RECQL5: variants seen among roughly 807,000 people sequenced by gnomAD.
The protein encoded by RECQL5 is RecQ like helicase 5.
A neutral mutation model predicts 103.4 loss-of-function variants in RECQL5; 88 were observed. The observed-to-expected ratio is 0.85, with a 90% CI of 0.72 to 1.02. The LOEUF (loss-of-function observed/expected upper bound fraction) is 1.02. Ranked by LOEUF, RECQL5 falls within the 50% of genes least tolerant of loss-of-function variation. RECQL5 has a pLI of 0.00. For synonymous variants in RECQL5, 552 were observed against 507.9 expected (o/e 1.09, Z -1.17); for missense variants, 1,232 against 1,284.3 (o/e 0.96, Z 0.62).
intron 2 of RECQL5, 84 bp from the exon 3 acceptor site, chr17:75,665,256 A>G (rs556680319): frequency 6.4e-5 from 82 of 1,290,744 alleles, no homozygotes; most frequent in Non-Finnish European, 8.8e-6. Context: ...ATGTAGGAAA[A>G]GCACCTAGCA....
chr17:75,639,270 C>T (rs2059386975), intron 8 of RECQL5: 1 of 152,456 alleles, frequency 6.6e-6, no homozygotes, highest in Non-Finnish European at 1.5e-5. Context: ...CCCACCACCA[C>T]CCCTGGATTA....
rs963825658 is a variant in RECQL5, at chr17:75,636,943, C to T, written c.1230-5275G>A. On this transcript the variant is annotated intron_variant, in intron 8 of 19. Coordinates refer to ENST00000317905, the MANE Select transcript of RECQL5 (RefSeq NM_004259.7). The surrounding 1 kb of genome is among the most constrained non-coding windows in gnomAD (Gnocchi z 5.4). Reference sequence around the variant, plus strand: ...GCTTCCAGTCAGCCCCCTAGGGAAGCCCTGGGCGCAAAGCTATGACACTGT... The same window carrying T: ...GCTTCCAGTCAGCCCCCTAGGGAAGTCCTGGGCGCAAAGCTATGACACTGT... 4 of 152,260 alleles carry T rather than the reference C, an allele frequency of 2.6e-5. No homozygotes were observed. The highest frequency in any genetic ancestry group is 1.5e-5 in the Non-Finnish European group (1 of 68,086). The allele number at this position is 152,260 out of a possible 1,614,324, so 9.4% of individuals were successfully genotyped here.
rs2059751734 is a variant in RECQL5 at position 75,665,186 on chromosome 17, A to T, written c.131-14T>A. On this transcript the variant is annotated splice_polypyrimidine_tract_variant and intron_variant, in intron 2 of 19. Transcript: ENST00000317905. ...CGTCCTTGTTACCTGAAAAAATACA[A>T]GACAACAATATCTCAGTGCTTCCTG... 1.2e-6 allele frequency: 2 copies of T among 1,604,232 alleles called. No individual in the cohort carries two copies. The highest frequency in any genetic ancestry group is 1.3e-5 in the African/African-American group (1 of 74,410).
chr17:75,666,421 A>G lies in RECQL5; in HGVS notation c.130+7T>C. ...AAATTTAAAGGAAGGTAGCTTGGTAATGTTACCTTTTACTACAGCCATGGT... is the reference window on the plus strand; with the variant it reads ...AAATTTAAAGGAAGGTAGCTTGGTAGTGTTACCTTTTACTACAGCCATGGT... On this transcript the variant is annotated splice_region_variant and intron_variant, in intron 2 of 19. Transcript: ENST00000317905. The G allele has an allele frequency of 6.2e-7, 1 of 1,613,724 alleles. No homozygotes were observed. The highest frequency in any genetic ancestry group is 1.1e-5 in the South Asian group (1 of 91,022).
Position 75,640,700 on chromosome 17 carries a change from G to A in RECQL5, c.1230-9032C>T, listed in dbSNP as rs910470436. 2.1e-5 allele frequency: 31 copies of A among 1,503,432 alleles called. No individual in the cohort carries two copies. In the African/African-American group the frequency reaches 4.0e-4, roughly 19 times the overall value. The allele number at this position is 1,503,432 out of a possible 1,614,324, so 93.1% of individuals were successfully genotyped here. ...ACCTCCACCAAACCTGTGGGGGAAA[G>A]ACCCTGGCAGGCAGTGGGTTTCTCT... On this transcript the variant is annotated intron_variant, in intron 8 of 19. Transcript: ENST00000317905. This position sits in a 1 kb window ranked among gnomAD's most constrained non-coding sequence, Gnocchi z 4.6.
chr17:75,643,934 T>G (rs908205596), intron 8 of RECQL5, among the ~76,000 whole-genome samples: 4 of 152,218 alleles, frequency 2.6e-5, no homozygotes, highest in Non-Finnish European at 5.9e-5. Flanking sequence ...GGCAGGCTGC[T>G]CTCGGCTCCT....
rs756078828 is a variant in RECQL5, at chr17:75,662,487, C to T, written c.763G>A (p.Asp255Asn). 3.0e-5 allele frequency: 48 copies of T among 1,612,702 alleles called. No individual in the cohort carries two copies. The highest frequency in any genetic ancestry group is 6.7e-5 in the Admixed American group (4 of 59,964). The change falls in exon 4 of 20, where the codon GAT becomes AAT. Residue 255 changes from aspartate (D) to asparagine (N), a missense_variant. Coordinates refer to ENST00000317905, the MANE Select transcript of RECQL5 (RefSeq NM_004259.7). ...FCLKALGQEA[D>N]KGLSGCGIVY... is the part of the protein sequence containing the mutation. Reference sequence around the variant, plus strand: ...CCACCTCAATGCCTCACCCCTTTATCAGCCTCCTGTCCAAGAGCCTTAAGG... The same window carrying T: ...CCACCTCAATGCCTCACCCCTTTATTAGCCTCCTGTCCAAGAGCCTTAAGG...
At position 75,629,717 on chromosome 17, in the gene RECQL5, A is replaced by G. The variant is rs776011626; in HGVS notation, c.1938T>C (p.His646=). 4 of 1,610,970 alleles carry G rather than the reference A, an allele frequency of 2.5e-6. No individual in the cohort carries two copies. Among genetic ancestry groups the G allele is most frequent in the Admixed American group, 1.7e-5 (1 of 59,864 alleles). Residue 646 remains histidine (H), a synonymous_variant, in exon 15 of 20, where the codon CAT becomes CAC. Coordinates refer to ENST00000317905, the MANE Select transcript of RECQL5 (RefSeq NM_004259.7). The stretch of plus-strand genomic sequence containing the variant: ...CTGGGCCACAGCTCACCGAGTACAC[A>G]TGGGAGGCTGGTGGAATGTCATACT... The part of the protein sequence containing the change: ...PNEYDIPPAS[H]VYSLKPKRVG...
Position 75,631,299 on chromosome 17 carries a change from C to G in RECQL5, c.1449-50G>C, listed in dbSNP as rs377406951. 83 of 1,582,578 alleles carry G rather than the reference C, an allele frequency of 5.2e-5. No homozygotes were observed. The African/African-American group carries it at 1.1e-3, about 21-fold the overall frequency. On this transcript the variant is annotated intron_variant, in intron 9 of 19. Transcript: ENST00000317905. The stretch of plus-strand genomic sequence containing the variant: ...GCCCTGGCCTGGGCTCTGCCCTCCC[C>G]ATGTGTGCTGCTGCTAGAACGGCAA...
chr17:75,650,990 A>T (rs2059547819), intron 8 of RECQL5, 196 bp downstream of exon 8: 1 of 1,503,918 alleles, frequency 6.6e-7, no homozygotes, highest in African/African-American at 1.4e-5. Flanking sequence ...AAATCCCCAC[A>T]CTGCGAGAGA....
At chr17:75,653,454 T>G (rs1033207160) in intron 7 of RECQL5, among the ~76,000 whole-genome samples, 35 of 152,360 alleles carry the variant, frequency 2.3e-4, no homozygotes, top group Admixed American at 2.3e-3. Flanking sequence ...TTCACTCTGT[T>G]ATAAGCCTGT....
intron 7 of RECQL5, among the ~76,000 whole-genome samples, chr17:75,656,734 C>T (rs2059625513): frequency 2.2e-5 from 3 of 133,642 alleles, no homozygotes. Context: ...TATATTTATC[C>T]TTCTATTGTC....
chr17:75,628,667 G>A lies in RECQL5; in HGVS notation c.2580+5C>T, dbSNP rs754196658. 2.7e-5 allele frequency: 42 copies of A among 1,582,374 alleles called. No homozygotes were observed. The highest frequency in any genetic ancestry group is 1.9e-4 in the Middle Eastern group (1 of 5,206). Reference sequence around the variant, plus strand: ...CCTCCCCAACAGACTCATCCCTGCCGGCACCTGCTGGGATCGAGGCCGCTT... The same window carrying A: ...CCTCCCCAACAGACTCATCCCTGCCAGCACCTGCTGGGATCGAGGCCGCTT... On this transcript the variant is annotated splice_donor_5th_base_variant and intron_variant, in intron 17 of 19. Transcript: ENST00000317905.
intron 6 of RECQL5, among the ~76,000 whole-genome samples, chr17:75,660,361 T>G (rs1376053460): frequency 1.3e-5 from 2 of 152,234 alleles, no homozygotes; most frequent in African/African-American, 4.8e-5. Context: ...TGGACCACTG[T>G]GCCCGGCCAG....
intron 18 of RECQL5, among the ~76,000 whole-genome samples, chr17:75,627,944 G>A (rs989480589): frequency 2.6e-5 from 4 of 151,928 alleles, no homozygotes; most frequent in South Asian, 2.1e-4. Context: ...GCGTGAACCC[G>A]GGAGGCGGAG....
intron 7 of RECQL5, among the ~76,000 whole-genome samples, chr17:75,656,726 T>C (rs1303573499): frequency 6.8e-6 from 1 of 147,870 alleles, no homozygotes; most frequent in Non-Finnish European, 1.5e-5. Flanking sequence ...AATTTATGTA[T>C]ATTTATCCTT....
At chr17:75,643,985 C>T (rs2059461421) in intron 8 of RECQL5, among the ~76,000 whole-genome samples, 1 of 152,248 alleles carries the variant, frequency 6.6e-6, no homozygotes, top group Admixed American at 6.5e-5. Context: ...GCGTGCCACA[C>T]TGTCTGTACA....
In RECQL5 at chr17:75,628,251, G is replaced by GT; in HGVS notation, c.2771_2772insA (p.Tyr927LeufsTer13). 6.2e-7 allele frequency: 1 copy of GT among 1,614,176 alleles called. No homozygotes were observed. The highest frequency in any genetic ancestry group is 8.5e-7 in the Non-Finnish European group (1 of 1,180,018). ...CAAACTTGCCCTCCTTGTAGAAAGG[G>GT]GTGAGGCACTTGACCACAACATTTG... On this transcript the variant is annotated frameshift_variant, in exon 18 of 20. Transcript: ENST00000317905. LOFTEE classifies it high-confidence loss of function.
Position 75,629,462 on chromosome 17 carries a change from C to G in RECQL5, c.1961G>C (p.Arg654Pro), listed in dbSNP as rs376193547. 22 of 1,502,348 alleles carry G rather than the reference C, an allele frequency of 1.5e-5. No individual in the cohort carries two copies. The African/African-American group carries it at 2.8e-4, about 19-fold the overall frequency. 93.1% of individuals were successfully genotyped at this position (1,502,348 alleles called of 1,614,324 possible). ...GCCTTTGGGGAAACCAGCTCCCACC[C>G]GCTTGGGTTTGAGCTGTAAATGTGA... ...ASHVYSLKPK[R>P]VGAGFPKGSC... The change falls in exon 16 of 20, where the codon CGG becomes CCG. Residue 654 changes from arginine (R) to proline (P), a missense_variant. Transcript: ENST00000317905.
Sources: gnomAD v4.1 joint callset for allele counts (sites outside exome capture counted in the v4.1 genomes callset) on GRCh38, gnomAD v4.1.1 for gene constraint, Gnocchi (gnomAD v3.1) non-coding constraint, MANE v1.5 for transcripts, NCBI Gene and HGNC (gene_info 2026-07-23, HGNC 2026-07-21) for gene names.